Variants in KIRREL3 observed in about 807,000 individuals in gnomAD.
KIRREL3 encodes the protein kin of IRRE-like protein 3.
Under a neutral mutation model 89.7 loss-of-function variants are expected in KIRREL3, and 36 were observed. The observed-to-expected ratio is 0.40, with a 90% CI of 0.31 to 0.53. The LOEUF (loss-of-function observed/expected upper bound fraction) is 0.53, where lower values mean the gene tolerates loss of function less well. KIRREL3 is among the 20% of genes least tolerant of loss of function. The probability of loss-of-function intolerance (pLI) is 0.49; values close to 1 mark genes in which losing one functional copy is unlikely to be tolerated. For synonymous variants in KIRREL3, 445 were observed against 441.4 expected (o/e 1.01, Z -0.10); for missense variants, 864 against 1,056.6 (o/e 0.82, Z 2.53).
chr11:126,911,658 C>A (rs1169977580), intron 1 of KIRREL3, among the ~76,000 whole-genome samples: 1 of 152,144 alleles, frequency 6.6e-6, no homozygotes, highest in Non-Finnish European at 1.5e-5. Flanking sequence ...GGACTTTCCT[C>A]TTCTGGGCCC....
chr11:126,906,427 A>G lies in KIRREL3; in HGVS notation c.55+94028T>C, dbSNP rs1260772813. On this transcript the variant is annotated intron_variant, in intron 1 of 16. Coordinates refer to ENST00000525144, the MANE Select transcript of KIRREL3 (RefSeq NM_032531.4). This position sits in a 1 kb window ranked among gnomAD's most constrained non-coding sequence, Gnocchi z 4.1. ...AGGCTTAAGGAACGGAAGTATTAGC[A>G]GCAAGGTTACTCCCAAAGAGACATG... is the stretch of plus-strand genomic sequence containing the variant. Among the ~76,000 whole-genome samples the G allele has an allele frequency of 6.6e-6, 1 of 152,218 alleles. No homozygotes were observed. The highest frequency in any genetic ancestry group is 1.9e-4 in the East Asian group (1 of 5,198).
At chr11:126,482,241 G>T (rs1957239254) in intron 4 of KIRREL3, among the ~76,000 whole-genome samples, 1 of 152,192 alleles carries the variant, frequency 6.6e-6, no homozygotes. Flanking sequence ...GTTTCACCAT[G>T]TTGGCTAGGC....
chr11:126,644,514 G>A (rs1450197858), intron 1 of KIRREL3, among the ~76,000 whole-genome samples: 1 of 152,208 alleles, frequency 6.6e-6, no homozygotes, highest in Admixed American at 6.5e-5. Flanking sequence ...GACCTGAGGA[G>A]GTCAGAGGCT....
At chr11:126,738,548 C>G (rs1565691948) in intron 1 of KIRREL3, among the ~76,000 whole-genome samples, 1 of 152,034 alleles carries the variant, frequency 6.6e-6, no homozygotes, top group East Asian at 1.9e-4. Context: ...TTTTTTCCCC[C>G]TAGGAGTGCA....
chr11:126,736,097 C>G lies in KIRREL3; in HGVS notation c.56-173185G>C, dbSNP rs568021515. On this transcript the variant is annotated intron_variant, in intron 1 of 16. Coordinates refer to ENST00000525144, the MANE Select transcript of KIRREL3 (RefSeq NM_032531.4). The surrounding 1 kb of genome is among the most constrained non-coding windows in gnomAD (Gnocchi z 5.0). Reference sequence around the variant, plus strand: ...ACATGTTGAATACATTTATTAGTTTCTTTCTTTCCATAGCTACTGCTGCTG... The same window carrying G: ...ACATGTTGAATACATTTATTAGTTTGTTTCTTTCCATAGCTACTGCTGCTG... Among the ~76,000 whole-genome samples the G allele has an allele frequency of 6.6e-6, 1 of 152,158 alleles. No homozygotes were observed. Among genetic ancestry groups the G allele is most frequent in the South Asian group, 2.1e-4 (1 of 4,822 alleles).
At chr11:126,859,962 T>C (rs1439493170) in intron 1 of KIRREL3, among the ~76,000 whole-genome samples, 1 of 152,240 alleles carries the variant, frequency 6.6e-6, no homozygotes, top group Non-Finnish European at 1.5e-5. Flanking sequence ...TTTTTGGAAT[T>C]GTCTTCATCA....
At chr11:126,818,320 A>G (rs1002357158) in intron 1 of KIRREL3, among the ~76,000 whole-genome samples, 27 of 152,166 alleles carry the variant, frequency 1.8e-4, no homozygotes, top group African/African-American at 6.5e-4. Flanking sequence ...GAAGAAAGTA[A>G]GTGATTTTAG....
chr11:127,001,798 C>T (rs1950320746), upstream of KIRREL3, among the ~76,000 whole-genome samples: 1 of 151,706 alleles, frequency 6.6e-6, no homozygotes, highest in Non-Finnish European at 1.5e-5. Flanking sequence ...TTCAGAAGCT[C>T]ATAATCTAGT....
Position 126,791,230 on chromosome 11 carries a change from G to C in KIRREL3, c.55+209225C>G, listed in dbSNP as rs1035421489. ...TATTGAGGAAAGAGTACATTTTGGG[G>C]GGCCTGTACAGGGAATTTAGTGGTA... On this transcript the variant is annotated intron_variant, in intron 1 of 16. Transcript: ENST00000525144. This position sits in a 1 kb window ranked among gnomAD's most constrained non-coding sequence, Gnocchi z 4.8. Among the ~76,000 whole-genome samples the C allele has an allele frequency of 6.6e-6, 1 of 152,146 alleles. No individual in the cohort carries two copies. The highest frequency in any genetic ancestry group is 2.4e-5 in the African/African-American group (1 of 41,426).
At chr11:126,487,307 C>T (rs1957391741) in intron 4 of KIRREL3, among the ~76,000 whole-genome samples, 1 of 152,132 alleles carries the variant, frequency 6.6e-6, no homozygotes, top group African/African-American at 2.4e-5. Flanking sequence ...GGCAAAGACA[C>T]AGGGCGGGGC....
chr11:126,933,779 G>GA (rs35968116), intron 1 of KIRREL3, among the ~76,000 whole-genome samples: 120,579 of 146,972 alleles, frequency 0.82, 49,544 homozygotes, highest in African/African-American at 0.89. Context: ...CACCAAAAAG[G>GA]AAAAAAAAAA....
chr11:126,721,961 G>T (rs1948190616), intron 1 of KIRREL3, among the ~76,000 whole-genome samples: 1 of 152,196 alleles, frequency 6.6e-6, no homozygotes, highest in South Asian at 2.1e-4. Flanking sequence ...GAGTGCTCTG[G>T]TCAGAAGCGA....
chr11:126,905,782 C>T lies in KIRREL3; in HGVS notation c.55+94673G>A, dbSNP rs920489064. Among the ~76,000 whole-genome samples, 86 of 152,154 alleles carry T rather than the reference C, an allele frequency of 5.7e-4. 2 individuals are homozygous for T. The highest frequency in any genetic ancestry group is 5.4e-3 in the Admixed American group (83 of 15,282). On this transcript the variant is annotated intron_variant, in intron 1 of 16. Transcript: ENST00000525144. This position sits in a 1 kb window ranked among gnomAD's most constrained non-coding sequence, Gnocchi z 5.0. ...AGAGCCCTATCTGCCGCTGCCAGTT[C>T]GGGCGGATGCCTAACGAGCACACTG...
At position 126,609,444 on chromosome 11, in the gene KIRREL3, G is replaced by A. The variant is rs1358348811; in HGVS notation, c.56-46532C>T. Among the ~76,000 whole-genome samples the A allele has an allele frequency of 3.3e-5, 5 of 152,176 alleles. No homozygotes were observed. Among genetic ancestry groups the A allele is most frequent in the Non-Finnish European group, 5.9e-5 (4 of 68,044 alleles). ...GTTATTCCTGCCTCGGGACATGTATGAGGACGGTCTCCTTTGCAGCCTACC... is the reference window on the plus strand; with the variant it reads ...GTTATTCCTGCCTCGGGACATGTATAAGGACGGTCTCCTTTGCAGCCTACC... On this transcript the variant is annotated intron_variant, in intron 1 of 16. Coordinates refer to ENST00000525144, the MANE Select transcript of KIRREL3 (RefSeq NM_032531.4). The surrounding 1 kb of genome is among the most constrained non-coding windows in gnomAD (Gnocchi z 5.0).
Position 126,570,193 on chromosome 11 carries a change from A to G in KIRREL3, c.56-7281T>C, listed in dbSNP as rs774388195. 6.6e-6 allele frequency among the ~76,000 whole-genome samples: 1 copy of G among 152,216 alleles called. No homozygotes were observed. The highest frequency in any genetic ancestry group is 1.5e-5 in the Non-Finnish European group (1 of 68,046). On this transcript the variant is annotated intron_variant, in intron 1 of 16. Coordinates refer to ENST00000525144, the MANE Select transcript of KIRREL3 (RefSeq NM_032531.4). This position sits in a 1 kb window ranked among gnomAD's most constrained non-coding sequence, Gnocchi z 6.1. ...TGGATCTCATTGCTTGCTAATTCTA[A>G]GTTTACTAAATAACTATAAACTTTA...
chr11:126,912,681 A>C lies in KIRREL3; in HGVS notation c.55+87774T>G, dbSNP rs117161806. 1.1e-3 allele frequency among the ~76,000 whole-genome samples: 168 copies of C among 152,318 alleles called. 1 individual carries two copies. In the Middle Eastern group the frequency reaches 0.027, roughly 25 times the overall value. Reference sequence around the variant, plus strand: ...AATGGGGCTCCTGCCCCTGCTGTTCATCATGTTTCTGGGGTCTTTGTTTCA... The same window carrying C: ...AATGGGGCTCCTGCCCCTGCTGTTCCTCATGTTTCTGGGGTCTTTGTTTCA... On this transcript the variant is annotated intron_variant, in intron 1 of 16. Transcript: ENST00000525144. The surrounding 1 kb of genome is among the most constrained non-coding windows in gnomAD (Gnocchi z 4.7).
At chr11:126,777,680 A>G (rs1950207883) in intron 1 of KIRREL3, among the ~76,000 whole-genome samples, 2 of 152,228 alleles carry the variant, frequency 1.3e-5, no homozygotes, top group South Asian at 4.1e-4. Context: ...CCCCTTTGTG[A>G]ACACATAAAA....
intron 7 of KIRREL3, among the ~76,000 whole-genome samples, chr11:126,451,315 T>G (rs1414495233): frequency 7.0e-6 from 1 of 142,368 alleles, no homozygotes; most frequent in East Asian, 2.1e-4. Flanking sequence ...TGTGTGCATG[T>G]GGTTGTGTGC....
chr11:126,910,748 C>G (rs905868488), intron 1 of KIRREL3, among the ~76,000 whole-genome samples: 4 of 152,186 alleles, frequency 2.6e-5, no homozygotes, highest in African/African-American at 9.6e-5. Context: ...AATGTGTTAG[C>G]TGGAAGATGT....
Sources: gnomAD v4.1 joint callset for allele counts (sites outside exome capture counted in the v4.1 genomes callset) on GRCh38, gnomAD v4.1.1 for gene constraint, Gnocchi (gnomAD v3.1) non-coding constraint, MANE v1.5 for transcripts, NCBI Gene and HGNC (gene_info 2026-07-23, HGNC 2026-07-21) for gene names.